OSBPL9: variants seen among roughly 807,000 people sequenced by gnomAD.
OSBPL9 encodes oxysterol binding protein like 9.
Under a neutral mutation model 106.6 loss-of-function variants are expected in OSBPL9, and 40 were observed. That is an observed-to-expected ratio of 0.38 (90% CI 0.29 to 0.49). The LOEUF is 0.49. Among genes scored for constraint, OSBPL9 ranks in the 20% least tolerant of loss-of-function variants. The pLI is 0.97. For missense variants in OSBPL9, 609 were observed against 887.2 expected (o/e 0.69, Z 3.98); for synonymous variants, 269 against 295.4 (o/e 0.91, Z 0.92).
intron 2 of OSBPL9, among the ~76,000 whole-genome samples, chr1:51,605,752 G>T (rs1371121497): frequency 6.6e-6 from 1 of 152,086 alleles, no homozygotes; most frequent in African/African-American, 2.4e-5. Flanking sequence ...GGAGGCTGAG[G>T]TGGACGGATC....
At chr1:51,606,608 G>A (rs1643949679) in intron 2 of OSBPL9, among the ~76,000 whole-genome samples, 1 of 152,190 alleles carries the variant, frequency 6.6e-6, no homozygotes, top group East Asian at 1.9e-4. Flanking sequence ...TCTTTAAGGA[G>A]GCAGGCACAT....
At chr1:51,755,358 C>A (rs1361888176) in intron 8 of OSBPL9, among the ~76,000 whole-genome samples, 1 of 152,080 alleles carries the variant, frequency 6.6e-6, no homozygotes, top group African/African-American at 2.4e-5. Flanking sequence ...AAAAAGAAAC[C>A]CTATACCTAT....
At chr1:51,653,946 G>A (rs1646671046) in intron 2 of OSBPL9, among the ~76,000 whole-genome samples, 1 of 151,878 alleles carries the variant, frequency 6.6e-6, no homozygotes, top group African/African-American at 2.4e-5. Flanking sequence ...AGGCTGTAGT[G>A]AGCCATAATT....
chr1:51,585,036 C>T (rs571462231), intron 1 of OSBPL9, among the ~76,000 whole-genome samples: 1 of 152,150 alleles, frequency 6.6e-6, no homozygotes, highest in East Asian at 1.9e-4. Flanking sequence ...TAGCCATGTG[C>T]AGTGGTGCAC....
chr1:51,632,426 G>T (rs1026948549), intron 1 of OSBPL9, among the ~76,000 whole-genome samples: 7 of 152,076 alleles, frequency 4.6e-5, no homozygotes, highest in African/African-American at 1.7e-4. Context: ...GTTTCTATGT[G>T]GGTGATCAAG....
intron 8 of OSBPL9, among the ~76,000 whole-genome samples, chr1:51,750,434 T>C (rs1668994032): frequency 1.3e-5 from 2 of 152,186 alleles, no homozygotes. Flanking sequence ...ACTCATCCCT[T>C]CCTTCCATTT....
At chr1:51,760,839 G>C (rs775843807) in intron 10 of OSBPL9, 59 bp downstream of exon 10, 105 of 1,562,566 alleles carry the variant, frequency 6.7e-5, no homozygotes, top group Non-Finnish European at 8.5e-5. Context: ...TTGTGTGGCT[G>C]TCATAGCAGT....
intron 1 of OSBPL9, among the ~76,000 whole-genome samples, chr1:51,593,599 C>T (rs377363646): frequency 1.3e-5 from 2 of 152,260 alleles, no homozygotes; most frequent in East Asian, 1.9e-4. Flanking sequence ...ACTTATCCTT[C>T]GAAACATTGC....
chr1:51,612,785 T>C (rs1170974208), upstream of OSBPL9, among the ~76,000 whole-genome samples: 1 of 152,244 alleles, frequency 6.6e-6, no homozygotes, highest in Admixed American at 6.5e-5. Flanking sequence ...CTACACTTAA[T>C]CTTAGCCAAA....
chr1:51,674,265 A>G (rs115572163), intron 3 of OSBPL9, among the ~76,000 whole-genome samples: 1,936 of 151,812 alleles, frequency 0.013, 38 homozygotes, highest in African/African-American at 0.042. Flanking sequence ...TTTTATTGTA[A>G]TAGTTATTTT....
At chr1:51,564,263 T>A in the OSBPL9 span, among the ~76,000 whole-genome samples, 1 of 152,054 alleles carries the variant, frequency 6.6e-6, no homozygotes, top group South Asian at 2.1e-4. Context: ...ATCCCTCCTC[T>A]GGGTTCACTA....
At chr1:51,697,127 T>C (rs901076380) in intron 3 of OSBPL9, among the ~76,000 whole-genome samples, 3 of 150,054 alleles carry the variant, frequency 2.0e-5, no homozygotes, top group African/African-American at 7.4e-5. Context: ...GCCACTGCTC[T>C]CCAGCCTGGG....
At chr1:51,635,065 T>C (rs759436978) in intron 1 of OSBPL9, among the ~76,000 whole-genome samples, 4 of 152,144 alleles carry the variant, frequency 2.6e-5, no homozygotes, top group Non-Finnish European at 4.4e-5. Context: ...GGCAAACATA[T>C]CCCATGGCCA....
At chr1:51,534,890 G>A in the OSBPL9 span, among the ~76,000 whole-genome samples, 3 of 152,160 alleles carry the variant, frequency 2.0e-5, no homozygotes, top group African/African-American at 7.2e-5. Context: ...TCCTCCTCTA[G>A]GATCCCTTTC....
the OSBPL9 span, among the ~76,000 whole-genome samples, chr1:51,559,566 C>T: frequency 1.3e-5 from 2 of 152,022 alleles, no homozygotes; most frequent in African/African-American, 4.8e-5. Context: ...TTTAATAAGA[C>T]CCCCCATTTT....
the OSBPL9 span, among the ~76,000 whole-genome samples, chr1:51,529,622 A>G: frequency 7.2e-5 from 11 of 152,010 alleles, no homozygotes; most frequent in Admixed American, 6.6e-4. Context: ...TGAGAGTTCA[A>G]ACTAACTCTA....
At chr1:51,607,112 C>A (rs1643954216) in intron 2 of OSBPL9, among the ~76,000 whole-genome samples, 1 of 150,946 alleles carries the variant, frequency 6.6e-6, no homozygotes, top group African/African-American at 2.4e-5. Context: ...AACATAAAAC[C>A]AACCATAATC....
chr1:51,529,575 A>G, the OSBPL9 span, among the ~76,000 whole-genome samples: 2 of 152,010 alleles, frequency 1.3e-5, no homozygotes, highest in Admixed American at 1.3e-4. Flanking sequence ...GCATGGTACT[A>G]GTATAAAGAG....
intron 1 of OSBPL9, among the ~76,000 whole-genome samples, chr1:51,594,609 T>A (rs1436217323): frequency 1.3e-5 from 2 of 152,136 alleles, no homozygotes; most frequent in Non-Finnish European, 1.5e-5. Flanking sequence ...CTTACCTAAT[T>A]TAACACTCTG....
Sources: allele counts gnomAD v4.1 joint callset (sites outside exome capture counted in the v4.1 genomes callset), GRCh38; gene constraint gnomAD v4.1.1; transcripts MANE v1.5; gene names NCBI Gene and HGNC (gene_info 2026-07-23, HGNC 2026-07-21).